LARGE1: variants seen among roughly 807,000 people sequenced by gnomAD.
LARGE1 encodes the protein xylosyl- and glucuronyltransferase LARGE1.
A neutral mutation model predicts 87.6 loss-of-function variants in LARGE1; 43 were observed. That is an observed-to-expected ratio of 0.49 (90% CI 0.38 to 0.63). The LOEUF is 0.63. LARGE1 is among the 30% of genes least tolerant of loss of function. The pLI, the probability that LARGE1 is intolerant of heterozygous loss-of-function variation, is 0.00. For synonymous variants in LARGE1, 434 were observed against 394.6 expected (o/e 1.10, Z -1.18); for missense variants, 802 against 1,000.2 (o/e 0.80, Z 2.67).
chr22:33,844,453 C>G (rs1325267197), intron 1 of LARGE1, among the ~76,000 whole-genome samples: 2 of 152,132 alleles, frequency 1.3e-5, no homozygotes, highest in African/African-American at 4.8e-5. Flanking sequence ...GCTTTGAACA[C>G]AGGAAGTGAT....
chr22:33,465,769 G>A (rs2068582073), intron 6 of LARGE1, among the ~76,000 whole-genome samples: 2 of 152,196 alleles, frequency 1.3e-5, no homozygotes, highest in African/African-American at 4.8e-5. Flanking sequence ...TTAAAAGGCT[G>A]AGTGACAGTG....
In LARGE1 at chr22:33,674,504, C is replaced by T. The variant is rs562851804; in HGVS notation, c.107-23836G>A. 8.5e-5 allele frequency among the ~76,000 whole-genome samples: 13 copies of T among 152,276 alleles called. 1 individual carries two copies. In the South Asian group the frequency reaches 2.7e-3, roughly 32 times the overall value. ...CATGCAGCTTTAGTTTCTCAAAAGA[C>T]TAAGGCGAAACTCTTTTGCATGACT... is the stretch of plus-strand genomic sequence containing the variant. On this transcript the variant is annotated intron_variant, in intron 2 of 14. Transcript: ENST00000397394.
At chr22:33,321,518 T>C (rs1936710082) in intron 10 of LARGE1, among the ~76,000 whole-genome samples, 1 of 152,266 alleles carries the variant, frequency 6.6e-6, no homozygotes. Flanking sequence ...TATCCTCCAC[T>C]GGAGACTAAA....
At chr22:33,369,640 C>T (rs921652667) in intron 9 of LARGE1, among the ~76,000 whole-genome samples, 1 of 152,146 alleles carries the variant, frequency 6.6e-6, no homozygotes, top group Non-Finnish European at 1.5e-5. Context: ...TCTAGGCTCA[C>T]TGCAACCTCT....
rs1289235536 is a variant in LARGE1, at chr22:33,852,876, AAAAGAAAGAAAG to A, written c.-83+67107_-83+67118del. Among the ~76,000 whole-genome samples the A allele has an allele frequency of 1.4e-3, 89 of 63,322 alleles. 1 individual carries two copies. The highest frequency in any genetic ancestry group is 7.4e-3 in the African/African-American group (87 of 11,806). The allele number at this position is 63,322 out of a possible 152,430, so 41.5% of individuals were successfully genotyped here. ...GTCTCCAAAAAAAAAAAAAAAAAAA[AAAAGAAAGAAAG>A]AAAGAAAGAAAAGTGATAAGTGCTA... On this transcript the variant is annotated intron_variant, in intron 1 of 14. Transcript: ENST00000397394.
chr22:33,610,526 G>A (rs2079396819), intron 4 of LARGE1, among the ~76,000 whole-genome samples: 1 of 152,184 alleles, frequency 6.6e-6, no homozygotes, highest in African/African-American at 2.4e-5. Context: ...TCCAGATGGA[G>A]GAGCAAAGCA....
chr22:33,785,448 CTCTT>C (rs2085611743), intron 1 of LARGE1, among the ~76,000 whole-genome samples: 1 of 152,104 alleles, frequency 6.6e-6, no homozygotes, highest in East Asian at 1.9e-4. Context: ...ACATCCAGCA[CTCTT>C]TCTAATACCC....
intron 2 of LARGE1, among the ~76,000 whole-genome samples, chr22:33,729,013 G>A (rs1207349435): frequency 2.0e-5 from 3 of 152,076 alleles, no homozygotes; most frequent in Non-Finnish European, 1.5e-5. Flanking sequence ...TTCTTGGAAT[G>A]AGCTTTTATT....
chr22:33,474,216 T>C (rs918036128), intron 6 of LARGE1, among the ~76,000 whole-genome samples: 5 of 152,190 alleles, frequency 3.3e-5, no homozygotes, highest in Non-Finnish European at 7.3e-5. Context: ...TAGGCTGAAG[T>C]GCAATGGTGC....
the LARGE1 span, among the ~76,000 whole-genome samples, chr22:33,087,410 A>T: frequency 2.0e-5 from 3 of 152,156 alleles, no homozygotes; most frequent in Admixed American, 2.0e-4. Flanking sequence ...CTGTGTAGGA[A>T]AAAAACATTT....
intron 6 of LARGE1, among the ~76,000 whole-genome samples, chr22:33,479,487 T>C (rs531757221): frequency 6.6e-6 from 1 of 152,196 alleles, no homozygotes; most frequent in African/African-American, 2.4e-5. Context: ...ACTTTGTCAG[T>C]TATTTCTACA....
In LARGE1 at chr22:33,274,121, T is replaced by C; in HGVS notation, c.*306A>G. The C allele has an allele frequency of 1.9e-6, 1 of 528,304 alleles. No individual in the cohort carries two copies. The highest frequency in any genetic ancestry group is 3.4e-6 in the Non-Finnish European group (1 of 292,790). The allele number at this position is 528,304 out of a possible 1,614,324, so 32.7% of individuals were successfully genotyped here. ...AACATCCTAAAGCCCTGCCCTGATC[T>C]TGTGGCTTTGCAGTAAGATGATAAC... On this transcript the variant is annotated 3_prime_UTR_variant, in exon 15 of 15. Coordinates refer to ENST00000397394, the MANE Select transcript of LARGE1 (RefSeq NM_133642.5).
chr22:33,761,800 A>G (rs1219023046), intron 1 of LARGE1, among the ~76,000 whole-genome samples: 2 of 152,128 alleles, frequency 1.3e-5, no homozygotes, highest in Non-Finnish European at 2.9e-5. Context: ...ACACGCACAC[A>G]CACATACACA....
chr22:33,348,327 G>A (rs1417699707), intron 9 of LARGE1, among the ~76,000 whole-genome samples: 1 of 141,586 alleles, frequency 7.1e-6, no homozygotes, highest in Non-Finnish European at 1.5e-5. Context: ...GAGTGCTGTT[G>A]GGCAGGGGCA....
chr22:33,656,036 G>A (rs1287255458), intron 2 of LARGE1, among the ~76,000 whole-genome samples: 3 of 149,924 alleles, frequency 2.0e-5, no homozygotes, highest in Admixed American at 6.6e-5. Flanking sequence ...TGTAAAATGA[G>A]GGACATGGGA....
At chr22:33,167,176 T>C (rs1402966563) in intron 11 of LARGE1, among the ~76,000 whole-genome samples, 1 of 152,186 alleles carries the variant, frequency 6.6e-6, no homozygotes, top group East Asian at 1.9e-4. Flanking sequence ...TCAGATCTAA[T>C]TGGAAGCCTC....
intron 6 of LARGE1, among the ~76,000 whole-genome samples, chr22:33,448,310 G>A (rs957463754): frequency 4.6e-5 from 7 of 152,138 alleles, no homozygotes; most frequent in Admixed American, 3.3e-4. Flanking sequence ...AATACTTGGA[G>A]GGAATGTGTA....
chr22:33,718,587 G>A (rs1007941346), intron 2 of LARGE1, among the ~76,000 whole-genome samples: 1 of 152,208 alleles, frequency 6.6e-6, no homozygotes, highest in Non-Finnish European at 1.5e-5. Context: ...TGGCCAGTGG[G>A]CTAAGTTCTT....
At chr22:33,723,688 G>A (rs1249623303) in intron 2 of LARGE1, 2 of 152,180 alleles carry the variant, frequency 1.3e-5, no homozygotes, top group East Asian at 3.9e-4. Context: ...CTGTATTTCA[G>A]GAGACTGCCA....
Sources: gnomAD v4.1 joint callset for allele counts (sites outside exome capture counted in the v4.1 genomes callset) on GRCh38, gnomAD v4.1.1 for gene constraint, MANE v1.5 for transcripts, NCBI Gene and HGNC (gene_info 2026-07-23, HGNC 2026-07-21) for gene names.